ZNRF1: variants seen among roughly 807,000 people sequenced by gnomAD.
The protein encoded by ZNRF1 is zinc and ring finger 1.
ZNRF1 carries 3 observed loss-of-function variants against 18.4 expected under a neutral mutation model. That is an observed-to-expected ratio of 0.16 (90% CI 0.07 to 0.42). The LOEUF (loss-of-function observed/expected upper bound fraction) is 0.42. ZNRF1 is among the 10% of genes least tolerant of loss of function. ZNRF1 has a pLI of 0.99. For synonymous variants in ZNRF1, 157 were observed against 144.2 expected (o/e 1.09, Z -0.64); for missense variants, 310 against 329.8 (o/e 0.94, Z 0.47).
intron 1 of ZNRF1, among the ~76,000 whole-genome samples, chr16:75,013,449 C>T (rs1291901186): frequency 4.6e-5 from 7 of 151,490 alleles, no homozygotes; most frequent in Non-Finnish European, 1.0e-4. Context: ...CGGGTTCAAG[C>T]GATTCTTCTG....
At chr16:75,001,221 G>A (rs2034844319) in intron 1 of ZNRF1, among the ~76,000 whole-genome samples, 2 of 152,094 alleles carry the variant, frequency 1.3e-5, no homozygotes, top group African/African-American at 4.8e-5. Flanking sequence ...ATATCTGTTG[G>A]ATCACTCTTT....
At chr16:75,073,642 C>A (rs1167696089) in intron 1 of ZNRF1, among the ~76,000 whole-genome samples, 1 of 152,108 alleles carries the variant, frequency 6.6e-6, no homozygotes, top group South Asian at 2.1e-4. Flanking sequence ...CTTTTTTTCT[C>A]TCAGCACTGT....
chr16:75,006,496 C>T (rs777998319), intron 1 of ZNRF1, among the ~76,000 whole-genome samples: 5 of 152,158 alleles, frequency 3.3e-5, no homozygotes, highest in Non-Finnish European at 5.9e-5. Context: ...AGTGCAGTGG[C>T]ATGATCTGAG....
Position 75,062,250 on chromosome 16 carries a change from G to T in ZNRF1, c.425-31322G>T, listed in dbSNP as rs1597888525. On this transcript the variant is annotated intron_variant, in intron 1 of 4. Coordinates refer to ENST00000335325, the MANE Select transcript of ZNRF1 (RefSeq NM_032268.5). ...TGTCAGAAGGGAATGCCTGGTCGTT[G>T]TCTCCCTGGGAAGCAGCGTGGAGCA... Among the ~76,000 whole-genome samples, 5 of 152,300 alleles carry T rather than the reference G, an allele frequency of 3.3e-5. No individual in the cohort carries two copies. In the Middle Eastern group the frequency reaches 0.017, roughly 518 times the overall value.
At chr16:75,057,266 A>G (rs2035680693) in intron 1 of ZNRF1, among the ~76,000 whole-genome samples, 4 of 152,280 alleles carry the variant, frequency 2.6e-5, no homozygotes, top group Non-Finnish European at 5.9e-5. Flanking sequence ...TCTAATATAA[A>G]TGGAATTTAG....
At chr16:75,025,877 G>C (rs963242488) in intron 1 of ZNRF1, among the ~76,000 whole-genome samples, 1 of 152,124 alleles carries the variant, frequency 6.6e-6, no homozygotes, top group Non-Finnish European at 1.5e-5. Flanking sequence ...CCAGGCAGTG[G>C]GGGGACGGGG....
intron 2 of ZNRF1, chr16:75,104,141 C>G (rs1257053359): frequency 6.6e-6 from 1 of 152,306 alleles, no homozygotes; most frequent in African/African-American, 2.4e-5. Context: ...TAGGTGGTTT[C>G]TTTTACTTTG....
chr16:75,009,261 GT>G (rs2034963722), intron 1 of ZNRF1, among the ~76,000 whole-genome samples: 2 of 152,022 alleles, frequency 1.3e-5, no homozygotes, highest in African/African-American at 2.4e-5. Context: ...CACCTCCCCA[GT>G]TTTGTTTTGT....
At chr16:75,000,176 G>A (rs1033628709) in intron 1 of ZNRF1, 81 bp downstream of exon 1, 2 of 1,528,118 alleles carry the variant, frequency 1.3e-6, no homozygotes, top group Non-Finnish European at 1.8e-6. Flanking sequence ...CAAGGTTTGG[G>A]AATGTAGTGC....
At chr16:75,011,407 C>A (rs2034998379) in intron 1 of ZNRF1, among the ~76,000 whole-genome samples, 1 of 152,042 alleles carries the variant, frequency 6.6e-6, no homozygotes, top group Non-Finnish European at 1.5e-5. Context: ...TAAAAACAAA[C>A]TTTTTTTCAG....
At chr16:75,020,652 T>C (rs1349277518) in intron 1 of ZNRF1, among the ~76,000 whole-genome samples, 3 of 152,014 alleles carry the variant, frequency 2.0e-5, no homozygotes, top group Middle Eastern at 3.4e-3. Flanking sequence ...CGCCATTCTC[T>C]TGCTTCAGCC....
intron 1 of ZNRF1, among the ~76,000 whole-genome samples, chr16:75,000,607 T>C (rs1257520280): frequency 6.6e-6 from 1 of 152,186 alleles, no homozygotes; most frequent in Non-Finnish European, 1.5e-5. Flanking sequence ...GCCACCCTGC[T>C]GGAGATCTGT....
In ZNRF1 at chr16:75,101,239, C is replaced by T. The variant is rs565873169; in HGVS notation, c.521-3545C>T. ...ATGAGCCACTGCACCCAGTGTACGG[C>T]AAAGCTGAAAGCATTGTATAGAGAA... On this transcript the variant is annotated intron_variant, in intron 2 of 4. Coordinates refer to ENST00000335325, the MANE Select transcript of ZNRF1 (RefSeq NM_032268.5). Among the ~76,000 whole-genome samples, 186 of 152,318 alleles carry T rather than the reference C, an allele frequency of 1.2e-3. 1 individual carries two copies. Among genetic ancestry groups the T allele is most frequent in the Middle Eastern group, 6.8e-3 (2 of 294 alleles).
At chr16:75,052,426 G>T (rs1223496087) in intron 1 of ZNRF1, among the ~76,000 whole-genome samples, 7 of 151,302 alleles carry the variant, frequency 4.6e-5, no homozygotes, top group Admixed American at 4.6e-4. Flanking sequence ...AAAAGAAAAA[G>T]ATAATGTTAT....
intron 1 of ZNRF1, among the ~76,000 whole-genome samples, chr16:75,020,570 C>T (rs1433013448): frequency 6.6e-6 from 1 of 151,134 alleles, no homozygotes; most frequent in African/African-American, 2.4e-5. Context: ...GAGATGGAGT[C>T]TCGCTGTGTC....
In ZNRF1 at chr16:75,064,104, G is replaced by A. The variant is rs150469079; in HGVS notation, c.425-29468G>A. Among the ~76,000 whole-genome samples the A allele has an allele frequency of 1.1e-4, 17 of 152,136 alleles. No homozygotes were observed. The East Asian group carries it at 3.3e-3, about 29-fold the overall frequency. ...ACTTGAGCTCAGGAGTTTGAGACCA[G>A]CCTGGGGAACATGGTGAAACCCCAT... On this transcript the variant is annotated intron_variant, in intron 1 of 4. Coordinates refer to ENST00000335325, the MANE Select transcript of ZNRF1 (RefSeq NM_032268.5).
intron 1 of ZNRF1, among the ~76,000 whole-genome samples, chr16:75,027,198 G>T (rs1008877539): frequency 2.0e-4 from 31 of 151,482 alleles, no homozygotes; most frequent in African/African-American, 7.0e-4. Context: ...ATGAGCCCAG[G>T]AGGTCAAGGC....
chr16:75,025,298 G>C (rs1297339119), intron 1 of ZNRF1, among the ~76,000 whole-genome samples: 1 of 152,072 alleles, frequency 6.6e-6, no homozygotes, highest in Non-Finnish European at 1.5e-5. Context: ...TCGATCTCCT[G>C]ACCTTGTGAT....
intron 1 of ZNRF1, among the ~76,000 whole-genome samples, chr16:75,051,520 CTT>C (rs760226539): frequency 0.013 from 1,914 of 141,842 alleles, 46 homozygotes; most frequent in African/African-American, 0.044. Flanking sequence ...GCATCTTCCC[CTT>C]TTTTTTTTTG....
Sources: gnomAD v4.1 joint callset for allele counts (sites outside exome capture counted in the v4.1 genomes callset) on GRCh38, gnomAD v4.1.1 for gene constraint, MANE v1.5 for transcripts, NCBI Gene and HGNC (gene_info 2026-07-23, HGNC 2026-07-21) for gene names.